Variants in ATP2B4 observed in about 807,000 individuals in gnomAD.
ATP2B4 encodes the protein ATPase plasma membrane Ca2+ transporting 4, also known as plasma membrane calcium-transporting ATPase 4.
ATP2B4 carries 39 observed loss-of-function variants against 110.3 expected under a neutral mutation model. That is an observed-to-expected ratio of 0.35 (90% CI 0.27 to 0.46). The LOEUF (loss-of-function observed/expected upper bound fraction) is 0.46. Ranked by LOEUF, ATP2B4 falls within the 20% of genes least tolerant of loss-of-function variation. The pLI is 1.00. For synonymous variants in ATP2B4, 538 were observed against 571.7 expected, an observed-to-expected ratio of 0.94 and a Z score of 0.84; for missense variants, 1,135 against 1,530.9, an observed-to-expected ratio of 0.74 and a Z score of 4.32.
rs149524838 is a variant in ATP2B4, at chr1:203,678,231, C to T, written c.-464-4511C>T. On this transcript the variant is annotated intron_variant, in intron 1 of 20. Transcript: ENST00000357681. Reference sequence around the variant, plus strand: ...ACTCTATAACCTATACAAGGTATCACTCTTTTTCCTCATAGTTTGGGGATG... The same window carrying T: ...ACTCTATAACCTATACAAGGTATCATTCTTTTTCCTCATAGTTTGGGGATG... Among the ~76,000 whole-genome samples the T allele has an allele frequency of 6.0e-3, 920 of 152,270 alleles. 6 individuals carry two copies. Among genetic ancestry groups the T allele is most frequent in the Non-Finnish European group, 8.3e-3 (564 of 68,028 alleles).
At chr1:203,644,023 G>T (rs150675500) in intron 1 of ATP2B4, among the ~76,000 whole-genome samples, 2,292 of 152,208 alleles carry the variant, frequency 0.015, 17 homozygotes, top group Non-Finnish European at 0.024. Context: ...GCCGAGGAGG[G>T]TGGATCACCT....
intron 1 of ATP2B4, among the ~76,000 whole-genome samples, chr1:203,671,383 A>G (rs1664656183): frequency 6.6e-6 from 1 of 152,100 alleles, no homozygotes; most frequent in African/African-American, 2.4e-5. Context: ...GCTGATCTCA[A>G]ACTCCTGAGT....
chr1:203,653,391 C>T lies in ATP2B4; in HGVS notation c.-465+26172C>T, dbSNP rs115369774. Among the ~76,000 whole-genome samples, 775 of 152,276 alleles carry T rather than the reference C, an allele frequency of 5.1e-3. 4 individuals are homozygous for T. The highest frequency in any genetic ancestry group is 0.017 in the African/African-American group (688 of 41,542). On this transcript the variant is annotated intron_variant, in intron 1 of 20. Coordinates refer to ENST00000357681, the MANE Select transcript of ATP2B4 (RefSeq NM_001684.5). ...GACATAGAAACCACAGCAAGTTAGT[C>T]GGAAGATCTAGCTAAGATAATTGGT...
At chr1:203,652,974 G>A (rs185292861) in intron 1 of ATP2B4, among the ~76,000 whole-genome samples, 6 of 152,284 alleles carry the variant, frequency 3.9e-5, no homozygotes, top group African/African-American at 7.2e-5. Context: ...AGCTAGAAAT[G>A]ATTAGGCCTA....
chr1:203,632,809 T>C (rs1209177066), intron 1 of ATP2B4, among the ~76,000 whole-genome samples: 1 of 152,126 alleles, frequency 6.6e-6, no homozygotes, highest in Non-Finnish European at 1.5e-5. Flanking sequence ...TATTGTATGA[T>C]AGATGAAATG....
chr1:203,660,004 C>T (rs35855310), intron 1 of ATP2B4, among the ~76,000 whole-genome samples: 14 of 151,600 alleles, frequency 9.2e-5, no homozygotes, highest in Non-Finnish European at 1.2e-4. Flanking sequence ...ATCGCTTGAA[C>T]CTGGGAGCTG....
At chr1:203,734,452 T>TA (rs1200571184) in intron 20 of ATP2B4, among the ~76,000 whole-genome samples, 2 of 152,190 alleles carry the variant, frequency 1.3e-5, no homozygotes, top group African/African-American at 4.8e-5. Flanking sequence ...CTCACACCTG[T>TA]AATCCCAACT....
intron 8 of ATP2B4, among the ~76,000 whole-genome samples, chr1:203,704,133 C>G (rs1411147076): frequency 6.6e-6 from 1 of 152,188 alleles, no homozygotes; most frequent in East Asian, 1.9e-4. Flanking sequence ...AACTGCTTAC[C>G]TGTCTCTTGC....
intron 2 of ATP2B4, 45 bp downstream of exon 2, chr1:203,683,443 T>C: frequency 2.0e-6 from 3 of 1,517,764 alleles, no homozygotes; most frequent in African/African-American, 1.4e-5. Flanking sequence ...AGGTGGCTAG[T>C]GTTTCAAAAT....
chr1:203,728,885 G>A (rs1666605849), intron 20 of ATP2B4, among the ~76,000 whole-genome samples: 1 of 148,490 alleles, frequency 6.7e-6, no homozygotes, highest in South Asian at 2.1e-4. Context: ...GGGCGCGGTG[G>A]TTCTCACCTG....
Position 203,656,718 on chromosome 1 carries a change from G to A in ATP2B4, c.-464-26024G>A, listed in dbSNP as rs1396975141. On this transcript the variant is annotated intron_variant, in intron 1 of 20. Coordinates refer to ENST00000357681, the MANE Select transcript of ATP2B4 (RefSeq NM_001684.5). ...TTTCAGGAAATTGCTGAATACCCACGCATAAATGCAGATATTGATGAAGTA... is the reference window on the plus strand; with the variant it reads ...TTTCAGGAAATTGCTGAATACCCACACATAAATGCAGATATTGATGAAGTA... 5.3e-5 allele frequency among the ~76,000 whole-genome samples: 8 copies of A among 152,156 alleles called. 1 individual carries two copies. In the South Asian group the frequency reaches 6.2e-4, roughly 12 times the overall value.
At chr1:203,731,097 T>C (rs1373513162) in intron 20 of ATP2B4, among the ~76,000 whole-genome samples, 1 of 152,118 alleles carries the variant, frequency 6.6e-6, no homozygotes, top group Non-Finnish European at 1.5e-5. Context: ...GAAGAAGGTG[T>C]CTCTACAGTC....
chr1:203,677,540 G>A (rs1330125763), intron 1 of ATP2B4, among the ~76,000 whole-genome samples: 3 of 152,202 alleles, frequency 2.0e-5, no homozygotes, highest in Admixed American at 2.0e-4. Flanking sequence ...TTGGCTCACT[G>A]TAGCCTCTGC....
rs533022506 is a variant in ATP2B4 at position 203,703,936 on chromosome 1, T to C, written c.1099+123T>C. On this transcript the variant is annotated intron_variant, in intron 8 of 20. Coordinates refer to ENST00000357681, the MANE Select transcript of ATP2B4 (RefSeq NM_001684.5). The stretch of plus-strand genomic sequence containing the variant: ...GAAGCTGAAACTTCAGGGTGGCTAG[T>C]TGGGGCTAGGCGGCTGTTTCCCTAT... 2.9e-5 allele frequency: 37 copies of C among 1,289,902 alleles called. 1 individual carries two copies. The highest frequency in any genetic ancestry group is 1.8e-4 in the African/African-American group (12 of 66,888). 79.9% of individuals were successfully genotyped at this position (1,289,902 alleles called of 1,614,324 possible).
intron 1 of ATP2B4, among the ~76,000 whole-genome samples, chr1:203,671,840 CGT>C (rs1161346371): frequency 2.6e-5 from 4 of 152,234 alleles, no homozygotes; most frequent in African/African-American, 7.2e-5. Context: ...GGAGGAAACA[CGT>C]GTCTCCTCAG....
chr1:203,698,392 G>A lies in ATP2B4; in HGVS notation c.391+38G>A, dbSNP rs769699930. ...AACAGCTCAGCGTGACTCTTATCTG[G>A]GTTCTTTCCACCACCACCACCAAGC... On this transcript the variant is annotated intron_variant, in intron 3 of 20. Coordinates refer to ENST00000357681, the MANE Select transcript of ATP2B4 (RefSeq NM_001684.5). The A allele has an allele frequency of 4.4e-6, 7 of 1,602,932 alleles. No homozygotes were observed. In the African/African-American group the frequency reaches 8.0e-5, roughly 18 times the overall value.
chr1:203,711,260 A>T, intron 12 of ATP2B4, 152 bp downstream of exon 12: 1 of 706,828 alleles, frequency 1.4e-6, no homozygotes. Flanking sequence ...GTGGAGTGCC[A>T]GTATGATCGA....
chr1:203,714,683 C>G (rs1325067886), intron 15 of ATP2B4, among the ~76,000 whole-genome samples: 2 of 152,194 alleles, frequency 1.3e-5, no homozygotes, highest in African/African-American at 2.4e-5. Context: ...TGTGAAATCA[C>G]ATGTTCCAAG....
intron 1 of ATP2B4, among the ~76,000 whole-genome samples, chr1:203,664,365 G>A (rs555987414): frequency 5.9e-5 from 9 of 152,186 alleles, no homozygotes; most frequent in African/African-American, 1.9e-4. Context: ...CAGAGGCACG[G>A]GGAGGCTCTG....
Sources: allele counts gnomAD v4.1 joint callset (sites outside exome capture counted in the v4.1 genomes callset), GRCh38; gene constraint gnomAD v4.1.1; transcripts MANE v1.5; gene names NCBI Gene and HGNC (gene_info 2026-07-23, HGNC 2026-07-21).